Variants in EYA4 observed in about 807,000 individuals in gnomAD.
The protein encoded by EYA4 is protein phosphatase EYA4.
EYA4 carries 31 observed loss-of-function variants against 87.9 expected under a neutral mutation model. The observed-to-expected ratio is 0.35, with a 90% CI of 0.27 to 0.48. The LOEUF (loss-of-function observed/expected upper bound fraction) is 0.48, where lower values mean the gene tolerates loss of function less well. Ranked by LOEUF, EYA4 falls within the 20% of genes least tolerant of loss-of-function variation. The pLI, the probability that EYA4 is intolerant of heterozygous loss-of-function variation, is 0.99. For synonymous variants in EYA4, 263 were observed against 270.6 expected (o/e 0.97, Z 0.28); for missense variants, 678 against 761.4 (o/e 0.89, Z 1.29).
intron 18 of EYA4, 118 bp from the exon 19 acceptor site, chr6:133,525,036 G>GTAT (rs1800511070): frequency 9.3e-6 from 15 of 1,613,514 alleles, no homozygotes; most frequent in Non-Finnish European, 1.3e-5. Flanking sequence ...TGTTTTGAGC[G>GTAT]TATAGTGTCC....
At chr6:133,295,750 C>G (rs1035772114) in intron 2 of EYA4, among the ~76,000 whole-genome samples, 1 of 152,108 alleles carries the variant, frequency 6.6e-6, no homozygotes. Flanking sequence ...ACCGCAGGGT[C>G]TTTGTTTACT....
chr6:133,456,413 G>A (rs1167446666), intron 5 of EYA4, 143 bp from the exon 6 acceptor site: 8 of 710,938 alleles, frequency 1.1e-5, no homozygotes, highest in Non-Finnish European at 1.8e-5. Flanking sequence ...CCGTTTAGAA[G>A]CTAAATTAAC....
At chr6:133,385,864 C>G (rs961633683) in intron 3 of EYA4, among the ~76,000 whole-genome samples, 1 of 152,144 alleles carries the variant, frequency 6.6e-6, no homozygotes, top group Admixed American at 6.5e-5. Flanking sequence ...AATTTACAAA[C>G]CCATGCAGTA....
At position 133,395,621 on chromosome 6, in the gene EYA4, C is replaced by T. The variant is rs138282456; in HGVS notation, c.83+13180C>T. The stretch of plus-strand genomic sequence containing the variant: ...CTAAAAATACAAAAAATTAGCCAGG[C>T]GTGGTGTTGCGTGCCTGTAGTCCCT... On this transcript the variant is annotated intron_variant, in intron 3 of 19. Coordinates refer to ENST00000355286, the MANE Select transcript of EYA4 (RefSeq NM_004100.5). Among the ~76,000 whole-genome samples the T allele has an allele frequency of 8.8e-4, 134 of 152,130 alleles. 3 individuals are homozygous for T. Among genetic ancestry groups the T allele is most frequent in the Middle Eastern group, 3.4e-3 (1 of 294 alleles).
intron 3 of EYA4, among the ~76,000 whole-genome samples, chr6:133,418,744 C>G (rs1789965331): frequency 6.6e-6 from 1 of 152,084 alleles, no homozygotes; most frequent in Non-Finnish European, 1.5e-5. Context: ...AAGCACAACT[C>G]TATAAATAAG....
rs1200827615 is a variant in EYA4 at position 133,529,355 on chromosome 6, TTTTC to T, written c.*558_*561del. On this transcript the variant is annotated 3_prime_UTR_variant, in exon 20 of 20. Coordinates refer to ENST00000355286, the MANE Select transcript of EYA4 (RefSeq NM_004100.5). Reference sequence around the variant, plus strand: ...AGCTGACTTTCAAAGTGGATGCAATTTTTCTTTCTTTTGTTGGGGAGGGGAATGG... The same window carrying T: ...AGCTGACTTTCAAAGTGGATGCAATTTTTCTTTTGTTGGGGAGGGGAATGG... 1 of 994,258 alleles carries T rather than the reference TTTTC, an allele frequency of 1.0e-6. No homozygotes were observed. The highest frequency in any genetic ancestry group is 1.2e-6 in the Non-Finnish European group (1 of 834,304). 61.6% of individuals were successfully genotyped at this position (994,258 alleles called of 1,614,324 possible).
chr6:133,453,451 A>G (rs1332188611), intron 5 of EYA4, among the ~76,000 whole-genome samples: 1 of 152,086 alleles, frequency 6.6e-6, no homozygotes, highest in Non-Finnish European at 1.5e-5. Flanking sequence ...ACTTCTTCGT[A>G]TTCTAACATG....
At chr6:133,315,034 A>G (rs1198611954) in intron 2 of EYA4, among the ~76,000 whole-genome samples, 2 of 152,094 alleles carry the variant, frequency 1.3e-5, no homozygotes, top group African/African-American at 4.8e-5. Flanking sequence ...CTCCCCAGCT[A>G]CCCTCAGAGA....
chr6:133,293,642 TTATAAA>T (rs1187449374), intron 2 of EYA4, among the ~76,000 whole-genome samples: 1 of 152,084 alleles, frequency 6.6e-6, no homozygotes, highest in Non-Finnish European at 1.5e-5. Flanking sequence ...ATAAAGTTCT[TTATAAA>T]TATAACAGTT....
In EYA4 at chr6:133,505,307, C is replaced by T. The variant is rs1329823838; in HGVS notation, c.1192-799C>T. ...GCTGCAGTTAATTATGGTAAAGTAA[C>T]AACTCTGGTCTTGATTTTCGACTTC... is the stretch of plus-strand genomic sequence containing the variant. On this transcript the variant is annotated intron_variant, in intron 13 of 19. Transcript: ENST00000355286. 5.5e-4 allele frequency among the ~76,000 whole-genome samples: 84 copies of T among 152,238 alleles called. 1 individual carries two copies. Among genetic ancestry groups the T allele is most frequent in the South Asian group, 1.5e-3 (7 of 4,820 alleles).
Position 133,512,863 on chromosome 6 carries a change from T to C in EYA4, c.1341-15T>C. 6.2e-7 allele frequency: 1 copy of C among 1,613,894 alleles called. No homozygotes were observed. The highest frequency in any genetic ancestry group is 8.5e-7 in the Non-Finnish European group (1 of 1,179,782). ...CATGTAATTATTTCTTTTTAATGTATTTTGGGTGTTACAGTACCTACAGTT... is the reference window on the plus strand; with the variant it reads ...CATGTAATTATTTCTTTTTAATGTACTTTGGGTGTTACAGTACCTACAGTT... On this transcript the variant is annotated splice_polypyrimidine_tract_variant and intron_variant, in intron 15 of 19. Transcript: ENST00000355286.
intron 2 of EYA4, among the ~76,000 whole-genome samples, chr6:133,380,737 A>T (rs762081694): frequency 6.6e-6 from 1 of 152,092 alleles, no homozygotes; most frequent in Non-Finnish European, 1.5e-5. Context: ...TAATGGACAT[A>T]AGACTTGTGG....
At chr6:133,280,063 A>G (rs989780979) in intron 2 of EYA4, among the ~76,000 whole-genome samples, 2 of 152,186 alleles carry the variant, frequency 1.3e-5, no homozygotes, top group South Asian at 4.1e-4. Context: ...TCTTAAATAT[A>G]TTTTACTTAG....
rs1269751125 is a variant in EYA4, at chr6:133,349,931, CAGACATCTATCTATTTT to C, written c.34-32458_34-32442del. Among the ~76,000 whole-genome samples, 39 of 152,106 alleles carry C rather than the reference CAGACATCTATCTATTTT, an allele frequency of 2.6e-4. 1 individual carries two copies. Among genetic ancestry groups the C allele is most frequent in the African/African-American group, 8.9e-4 (37 of 41,366 alleles). Reference sequence around the variant, plus strand: ...GCTCTAGTAAAAGAAGTATAAACTTCAGACATCTATCTATTTTAGCAAACTTTACCTGGTTTAAAATG... The same window carrying C: ...GCTCTAGTAAAAGAAGTATAAACTTCAGCAAACTTTACCTGGTTTAAAATG... On this transcript the variant is annotated intron_variant, in intron 2 of 19. Coordinates refer to ENST00000355286, the MANE Select transcript of EYA4 (RefSeq NM_004100.5).
At chr6:133,335,419 T>C (rs1196634682) in intron 2 of EYA4, among the ~76,000 whole-genome samples, 2 of 152,220 alleles carry the variant, frequency 1.3e-5, no homozygotes, top group Non-Finnish European at 2.9e-5. Context: ...CGGATATTTA[T>C]TGAGGATCCT....
intron 3 of EYA4, among the ~76,000 whole-genome samples, chr6:133,386,365 T>A (rs185877112): frequency 1.1e-3 from 163 of 152,320 alleles, no homozygotes; most frequent in African/African-American, 3.7e-3. Context: ...CCATGAATCT[T>A]ATTTTTTTAA....
At position 133,478,454 on chromosome 6, in the gene EYA4, T is replaced by C. The variant is rs77746622; in HGVS notation, c.971-3009T>C. 2.6e-5 allele frequency among the ~76,000 whole-genome samples: 4 copies of C among 152,034 alleles called. No individual in the cohort carries two copies. The East Asian group carries it at 5.8e-4, about 22-fold the overall frequency. The stretch of plus-strand genomic sequence containing the variant: ...AGTGTAATAGATACAGTGTAATATA[T>C]ATATACATGAAGAAGTTCTAGCCAC... On this transcript the variant is annotated intron_variant, in intron 11 of 19. Transcript: ENST00000355286.
chr6:133,258,525 A>G (rs1290039958), intron 1 of EYA4, among the ~76,000 whole-genome samples: 10 of 152,068 alleles, frequency 6.6e-5, no homozygotes, highest in Admixed American at 6.6e-4. Flanking sequence ...GTGTCTAGCA[A>G]CTTCCCTCAG....
intron 11 of EYA4, among the ~76,000 whole-genome samples, chr6:133,478,449 A>ATG (rs3066314): frequency 3.7e-4 from 25 of 67,892 alleles, no homozygotes; most frequent in African/African-American, 7.7e-4. Flanking sequence ...ATACAGTGTA[A>ATG]TATATATATA....
Sources: gnomAD v4.1 joint callset for allele counts (sites outside exome capture counted in the v4.1 genomes callset) on GRCh38, gnomAD v4.1.1 for gene constraint, MANE v1.5 for transcripts, NCBI Gene and HGNC (gene_info 2026-07-23, HGNC 2026-07-21) for gene names.